CMIP: variants seen among roughly 807,000 people sequenced by gnomAD.
CMIP encodes c-Maf inducing protein, also known as C-Maf-inducing protein.
A neutral mutation model predicts 97.3 loss-of-function variants in CMIP; 13 were observed. That is an observed-to-expected ratio of 0.13 (90% CI 0.09 to 0.21). The LOEUF (loss-of-function observed/expected upper bound fraction) is 0.21. Ranked by LOEUF, CMIP falls within the 10% of genes least tolerant of loss-of-function variation. CMIP has a pLI of 1.00. For synonymous variants in CMIP, 538 were observed against 436.3 expected (o/e 1.23, Z -2.91); for missense variants, 847 against 1,024.9 (o/e 0.83, Z 2.37).
At chr16:81,484,953 CTTT>C (rs148346622) in intron 1 of CMIP, among the ~76,000 whole-genome samples, 1 of 151,424 alleles carries the variant, frequency 6.6e-6, no homozygotes, top group Non-Finnish European at 1.5e-5. Flanking sequence ...CTGAAAACCT[CTTT>C]TTTTTTCTGT....
Position 81,589,285 on chromosome 16 carries a change from C to T in CMIP, c.301-18282C>T, listed in dbSNP as rs149740735. ...GTAATTTTTCTGTTTTTAGTAGAGA[C>T]GGGGTTTCTCCATGTTACCCTGGCT... On this transcript the variant is annotated intron_variant, in intron 1 of 20. Coordinates refer to ENST00000537098, the MANE Select transcript of CMIP (RefSeq NM_198390.3). Among the ~76,000 whole-genome samples the T allele has an allele frequency of 8.2e-3, 1,244 of 152,032 alleles. 10 individuals are homozygous for T. Among genetic ancestry groups the T allele is most frequent in the Non-Finnish European group, 0.011 (738 of 67,964 alleles).
At position 81,678,426 on chromosome 16, in the gene CMIP, G is replaced by T. The variant is rs1484405628; in HGVS notation, c.1186G>T (p.Val396Phe). ...GTCTGAGGCCCGGCTCAAGTCGGTG[G>T]TCGTGGCCTCCAGTGAGATCCACGT... ...TLSEARLKSV[V>F]VASSEIHVEV... Residue 396 changes from valine to phenylalanine, a missense_variant, in exon 10 of 21, where the codon GTC becomes TTC. By Grantham distance (50) the Val-to-Phe change is conservative. This residue lies in a region of CMIP where 202 missense variants were observed against 168.7 expected (regional missense o/e 1.20). Transcript: ENST00000537098. The T allele has an allele frequency of 1.9e-6, 3 of 1,593,398 alleles. No individual in the cohort carries two copies. In the East Asian group the frequency reaches 6.9e-5, roughly 37 times the overall value.
intron 1 of CMIP, among the ~76,000 whole-genome samples, chr16:81,469,759 T>G (rs1210268006): frequency 6.6e-6 from 1 of 152,246 alleles, no homozygotes; most frequent in African/African-American, 2.4e-5. Context: ...TCTGATTACG[T>G]TAGTTAAACT....
At position 81,496,845 on chromosome 16, in the gene CMIP, A is replaced by G. The variant is rs577626778; in HGVS notation, c.300+51304A>G. ...ATTCTGTGAAACTGAATGGGAGCCA[A>G]GGGGTCAAAGGACAAGTTCAAGAGG... On this transcript the variant is annotated intron_variant, in intron 1 of 20. Transcript: ENST00000537098. 1.7e-3 allele frequency among the ~76,000 whole-genome samples: 258 copies of G among 152,376 alleles called. 1 individual carries two copies. The highest frequency in any genetic ancestry group is 5.9e-3 in the African/African-American group (246 of 41,594).
chr16:81,663,843 G>A (rs2092574296), intron 6 of CMIP, among the ~76,000 whole-genome samples: 1 of 152,154 alleles, frequency 6.6e-6, no homozygotes, highest in Admixed American at 6.5e-5. Context: ...CTCTGTGTGT[G>A]CATCAGGGGA....
chr16:81,698,080 A>G (rs1178832748), intron 14 of CMIP: 1 of 144,602 alleles, frequency 6.9e-6, no homozygotes. Flanking sequence ...GAGAGATTGC[A>G]TTTGTATGCC....
chr16:81,688,009 G>A (rs934553483), intron 10 of CMIP, among the ~76,000 whole-genome samples: 1 of 152,256 alleles, frequency 6.6e-6, no homozygotes, highest in Non-Finnish European at 1.5e-5. Context: ...CTTACTTCAA[G>A]CCCCGGTGCG....
intron 1 of CMIP, among the ~76,000 whole-genome samples, chr16:81,576,171 A>T (rs1017460262): frequency 6.6e-6 from 1 of 152,192 alleles, no homozygotes. Context: ...TGGGAGGCTG[A>T]GGCGGGTGGA....
At chr16:81,574,171 T>G (rs779459770) in intron 1 of CMIP, among the ~76,000 whole-genome samples, 1 of 152,230 alleles carries the variant, frequency 6.6e-6, no homozygotes, top group Non-Finnish European at 1.5e-5. Flanking sequence ...TACGTTCTGT[T>G]GGGCCGCGCT....
intron 1 of CMIP, among the ~76,000 whole-genome samples, chr16:81,496,303 G>A (rs899592687): frequency 2.6e-5 from 4 of 152,156 alleles, no homozygotes; most frequent in Non-Finnish European, 5.9e-5. Flanking sequence ...TGTGTGCTCA[G>A]AATACAGCAG....
In CMIP at chr16:81,667,799, A is replaced by AGAGTGTGTGT; in HGVS notation, c.826-2342_826-2341insAGTGTGTGTG. 4.1e-3 allele frequency among the ~76,000 whole-genome samples: 240 copies of AGAGTGTGTGT among 58,112 alleles called. 1 individual carries two copies. Among genetic ancestry groups the AGAGTGTGTGT allele is most frequent in the Admixed American group, 5.8e-3 (28 of 4,800 alleles). The allele number at this position is 58,112 out of a possible 152,430, so 38.1% of individuals were successfully genotyped here. The stretch of plus-strand genomic sequence containing the variant: ...GAGAGAGAGAGAGAGAGAGAGAGAG[A>AGAGTGTGTGT]GTGTGTGTGTGTGTGTGTGTGTGTG... On this transcript the variant is annotated intron_variant, in intron 7 of 20. Coordinates refer to ENST00000537098, the MANE Select transcript of CMIP (RefSeq NM_198390.3).
intron 1 of CMIP, among the ~76,000 whole-genome samples, chr16:81,577,451 A>G (rs553362692): frequency 3.6e-4 from 35 of 96,988 alleles, no homozygotes; most frequent in African/African-American, 9.1e-4. Flanking sequence ...CATCACCTTC[A>G]TCACCACCAT....
intron 1 of CMIP, chr16:81,495,411 CG>C: frequency 6.3e-7 from 1 of 1,583,104 alleles, no homozygotes; most frequent in East Asian, 2.3e-5. Context: ...CCAAGCCGGC[CG>C]GGCTGCCGCT....
chr16:81,607,828 T>A, intron 2 of CMIP, 136 bp downstream of exon 2: 1 of 985,548 alleles, frequency 1.0e-6, no homozygotes, highest in Non-Finnish European at 1.5e-6. Flanking sequence ...ATTCCCCAAG[T>A]ATAAGAAAGC....
In CMIP at chr16:81,445,258, G is replaced by A; in HGVS notation, c.17G>A (p.Ser6Asn). MDVTS[S>N]SGGGGDPRQI... ...GGCGCGGCCATGGATGTGACCAGCA[G>A]CTCGGGCGGCGGCGGCGACCCCCGG... Residue 6 changes from serine to asparagine, a missense_variant, in exon 1 of 21, where the codon AGC (serine) becomes AAC (asparagine). Coordinates refer to ENST00000537098, the MANE Select transcript of CMIP (RefSeq NM_198390.3). 1 of 1,512,780 alleles carries A rather than the reference G, an allele frequency of 6.6e-7. No individual in the cohort carries two copies. Among genetic ancestry groups the A allele is most frequent in the Non-Finnish European group, 8.8e-7 (1 of 1,131,452 alleles). 93.7% of individuals were successfully genotyped at this position (1,512,780 alleles called of 1,614,324 possible).
chr16:81,464,113 C>A lies in CMIP; in HGVS notation c.300+18572C>A, dbSNP rs45519337. The A allele has an allele frequency of 7.5e-3, 1,136 of 152,402 alleles. 6 individuals are homozygous for A. The highest frequency in any genetic ancestry group is 0.02 in the Middle Eastern group (6 of 296). 9.4% of individuals were successfully genotyped at this position (152,402 alleles called of 1,614,324 possible). A position where few individuals can be genotyped will look rare whatever the true frequency, so the allele number is the denominator to read the frequency against. ...TCACCTTTGTGATCTTCTGAGGGAG[C>A]CGCAGCCAGTGTGTAAGGGAAGCAG... On this transcript the variant is annotated intron_variant, in intron 1 of 20. Transcript: ENST00000537098.
intron 1 of CMIP, among the ~76,000 whole-genome samples, chr16:81,599,433 G>A (rs1287408723): frequency 1.3e-5 from 2 of 152,194 alleles, no homozygotes; most frequent in Admixed American, 6.5e-5. Context: ...CCCCAAATGA[G>A]CATCCATGGG....
At chr16:81,666,888 T>G (rs1008405902) in intron 7 of CMIP, 2 of 151,918 alleles carry the variant, frequency 1.3e-5, no homozygotes, top group African/African-American at 4.8e-5. Flanking sequence ...GCTTTGACAT[T>G]TACTCACTGA....
At position 81,707,073 on chromosome 16, in the gene CMIP, G is replaced by A; in HGVS notation, c.2257G>A (p.Glu753Lys). 1 of 1,613,576 alleles carries A rather than the reference G, an allele frequency of 6.2e-7. No homozygotes were observed. The highest frequency in any genetic ancestry group is 2.2e-5 in the East Asian group (1 of 44,884). Residue 753 changes from glutamate (E) to lysine (K), a missense_variant, in exon 20 of 21, where the codon GAA (glutamate) becomes AAA (lysine). Transcript: ENST00000537098. ...CACCAAGCTCTCAGCTGACACCTAC[G>A]AAGATCTGAAGGTAATTCCCTCCTT... ...NSTKLSADTY[E>K]DLKAKLPNLK...
Sources: allele counts gnomAD v4.1 joint callset (sites outside exome capture counted in the v4.1 genomes callset), GRCh38; gene constraint gnomAD v4.1.1; regional missense constraint gnomAD v4.1.1; transcripts MANE v1.5; gene names NCBI Gene and HGNC (gene_info 2026-07-23, HGNC 2026-07-21).